Variants in PSMD13 observed in about 807,000 individuals in gnomAD.
PSMD13 encodes 26S proteasome non-ATPase regulatory subunit 13.
PSMD13 carries 8 observed loss-of-function variants against 57.4 expected under a neutral mutation model. The ratio of observed to expected loss-of-function variants is 0.14; its 90% CI spans 0.08 to 0.25. PSMD13 has a LOEUF of 0.25. Ranked by LOEUF, PSMD13 falls within the 10% of genes least tolerant of loss-of-function variation. PSMD13 has a pLI of 1.00. For synonymous variants in PSMD13, 193 were observed against 168.2 expected, an observed-to-expected ratio of 1.15 and a Z score of -1.14; for missense variants, 400 against 461.5, an observed-to-expected ratio of 0.87 and a Z score of 1.22.
At chr11:237,779 A>G (rs922170314) in intron 1 of PSMD13, among the ~76,000 whole-genome samples, 2 of 152,204 alleles carry the variant, frequency 1.3e-5, no homozygotes, top group African/African-American at 4.8e-5. Flanking sequence ...TTTGTTTAGA[A>G]ACAGGATGAA....
In PSMD13 at chr11:251,436, G is replaced by A; in HGVS notation, c.838-110G>A. On this transcript the variant is annotated intron_variant, in intron 10 of 12. Coordinates refer to ENST00000532097, the MANE Select transcript of PSMD13 (RefSeq NM_002817.4). The surrounding 1 kb of genome is among the most constrained non-coding windows in gnomAD (Gnocchi z 4.6). Reference sequence around the variant, plus strand: ...TATTAGGAAACTTTTTAGTATGTGGGGTACTAATAAGATCTCTATTTTCAG... The same window carrying A: ...TATTAGGAAACTTTTTAGTATGTGGAGTACTAATAAGATCTCTATTTTCAG... The A allele has an allele frequency of 1.1e-6, 1 of 910,384 alleles. No individual in the cohort carries two copies. Among genetic ancestry groups the A allele is most frequent in the Non-Finnish European group, 1.7e-6 (1 of 598,648 alleles). 56.4% of individuals were successfully genotyped at this position (910,384 alleles called of 1,614,324 possible).
chr11:251,354 C>T lies in PSMD13; in HGVS notation c.838-192C>T, dbSNP rs994679914. 5 of 581,200 alleles carry T rather than the reference C, an allele frequency of 8.6e-6. No homozygotes were observed. In the African/African-American group the frequency reaches 9.4e-5, roughly 11 times the overall value. 36.0% of individuals were successfully genotyped at this position (581,200 alleles called of 1,614,324 possible). A position where few individuals can be genotyped will look rare whatever the true frequency, so the allele number is the denominator to read the frequency against. On this transcript the variant is annotated intron_variant, in intron 10 of 12. Coordinates refer to ENST00000532097, the MANE Select transcript of PSMD13 (RefSeq NM_002817.4). This position sits in a 1 kb window ranked among gnomAD's most constrained non-coding sequence, Gnocchi z 4.6. ...TCAGAAACTCCTGTAAGGCATTTTG[C>T]TGTTATCCTTCTTATCTAAGCATTA...
At chr11:244,961 G>A (rs6598059) in intron 6 of PSMD13, among the ~76,000 whole-genome samples, 200 bp downstream of exon 6, 7 of 145,884 alleles carry the variant, frequency 4.8e-5, no homozygotes, top group South Asian at 2.2e-4. Context: ...TTTTTTTAAA[G>A]ACGGAGTCTC....
At position 244,738 on chromosome 11, in the gene PSMD13, A is replaced by G. The variant is rs1859594485; in HGVS notation, c.373A>G (p.Ile125Val). 1.1e-5 allele frequency: 18 copies of G among 1,613,438 alleles called. No individual in the cohort carries two copies. Among genetic ancestry groups the G allele is most frequent in the East Asian group, 4.5e-5 (2 of 44,890 alleles). The change falls in exon 6 of 13, where the codon ATC becomes GTC. Residue 125 changes from isoleucine to valine, a missense_variant. Physicochemically the swap from Ile to Val is conservative, Grantham distance 29. Transcript: ENST00000532097. ...AGCAATTGGAGCTCTAAAATTAAAC[A>G]TCGGGGACCTACAGGTTACAAAGGT... ...KTAIGALKLN[I>V]GDLQVTKETI...
At chr11:237,544 A>G (rs1417840755) in intron 1 of PSMD13, among the ~76,000 whole-genome samples, 1 of 152,182 alleles carries the variant, frequency 6.6e-6, no homozygotes, top group Non-Finnish European at 1.5e-5. Flanking sequence ...TTTGGGAAAC[A>G]TGTTGGTGAT....
At chr11:248,599 G>C in intron 7 of PSMD13, 177 bp from the exon 8 acceptor site, 1 of 632,502 alleles carries the variant, frequency 1.6e-6, no homozygotes, top group Non-Finnish European at 2.8e-6. Context: ...TGTATATATG[G>C]TTCTTGGTAT....
intron 2 of PSMD13, among the ~76,000 whole-genome samples, chr11:241,732 T>G: frequency 6.6e-6 from 1 of 152,190 alleles, no homozygotes. Context: ...TCATCCATCC[T>G]CATTACGGTT....
At chr11:241,304 A>G (rs1332228347) in intron 2 of PSMD13, among the ~76,000 whole-genome samples, 2 of 151,600 alleles carry the variant, frequency 1.3e-5, no homozygotes, top group African/African-American at 4.9e-5. Flanking sequence ...ACACCTGGCT[A>G]ATTTTTGTAG....
Position 252,016 on chromosome 11 carries a change from G to A in PSMD13, c.1035+80G>A. On this transcript the variant is annotated intron_variant, in intron 12 of 12. Coordinates refer to ENST00000532097, the MANE Select transcript of PSMD13 (RefSeq NM_002817.4). This position sits in a 1 kb window ranked among gnomAD's most constrained non-coding sequence, Gnocchi z 4.1. ...ATACCGTCTTAGTTTCATTTGGATG[G>A]AAGCCATTTGGGAAGACAGCATTAT... 1.5e-6 allele frequency: 2 copies of A among 1,315,264 alleles called. No homozygotes were observed. Among genetic ancestry groups the A allele is most frequent in the Non-Finnish European group, 2.1e-6 (2 of 932,604 alleles). The allele number at this position is 1,315,264 out of a possible 1,614,324, so 81.5% of individuals were successfully genotyped here.
rs1859276734 is a variant in PSMD13, at chr11:237,152, C to T, written c.95+8C>T. ...GGAGCTCTACACGAAGAAGTGAGCG[C>T]CGAGCAGACGGGCCCTGGGCCCCGG... On this transcript the variant is annotated splice_region_variant and intron_variant, in intron 1 of 12. Coordinates refer to ENST00000532097, the MANE Select transcript of PSMD13 (RefSeq NM_002817.4). 3 of 1,608,802 alleles carry T rather than the reference C, an allele frequency of 1.9e-6. No homozygotes were observed. The highest frequency in any genetic ancestry group is 2.5e-6 in the Non-Finnish European group (3 of 1,177,220).
intron 2 of PSMD13, among the ~76,000 whole-genome samples, chr11:239,736 G>A (rs1207871192): frequency 1.3e-5 from 2 of 152,160 alleles, no homozygotes; most frequent in East Asian, 3.9e-4. Flanking sequence ...GCCTTCCCCA[G>A]ATCCCCTGAC....
intron 2 of PSMD13, 34 bp downstream of exon 2, chr11:239,110 GAATGTGCTCA>G (rs1859462215): frequency 5.1e-6 from 8 of 1,553,612 alleles, no homozygotes; most frequent in Non-Finnish European, 7.1e-6. Flanking sequence ...TAGATTATAT[GAATGTGCTCA>G]AGGACTTTTG....
At chr11:246,817 C>T (rs191092415) in intron 6 of PSMD13, among the ~76,000 whole-genome samples, 1 of 152,260 alleles carries the variant, frequency 6.6e-6, no homozygotes, top group East Asian at 1.9e-4. Flanking sequence ...ATTGGCCATT[C>T]TGTTTGTGTC....
At chr11:242,048 G>T (rs544019613) in intron 2 of PSMD13, among the ~76,000 whole-genome samples, 2 of 151,670 alleles carry the variant, frequency 1.3e-5, no homozygotes, top group East Asian at 3.9e-4. Context: ...CTCTCTAACC[G>T]CCCTTCATTC....
intron 9 of PSMD13, 157 bp from the exon 10 acceptor site, chr11:250,646 T>C: frequency 1.6e-6 from 1 of 614,460 alleles, no homozygotes; most frequent in Non-Finnish European, 2.9e-6. Context: ...GATCACTTGT[T>C]GTTAATGAGC....
intron 2 of PSMD13, chr11:243,102 CT>C: frequency 1.8e-6 from 1 of 565,434 alleles, no homozygotes; most frequent in Non-Finnish European, 3.5e-6. Context: ...ATGGTTACGT[CT>C]TTTTCTTTCC....
In PSMD13 at chr11:244,167, C is replaced by T. The variant is rs1128320; in HGVS notation, c.216C>T (p.Asn72=). ...NFISEFEHRV[N]PLSLVEIILH... ...CTGGTGGCTTTTATTTCAGGGTGAACCCTTTGTCCCTCGTGGAAATCATTC... is the reference window on the plus strand; with the variant it reads ...CTGGTGGCTTTTATTTCAGGGTGAATCCTTTGTCCCTCGTGGAAATCATTC... The change falls in exon 4 of 13, where the codon AAC becomes AAT. Residue 72 remains asparagine, a synonymous_variant. Transcript: ENST00000532097. 1,192,777 of 1,539,428 alleles carry T rather than the reference C, an allele frequency of 0.77. 469,997 individuals are homozygous for T. The highest frequency in any genetic ancestry group is 0.89 in the African/African-American group (65,763 of 73,922).
intron 6 of PSMD13, among the ~76,000 whole-genome samples, chr11:245,310 T>G (rs1859608006): frequency 6.6e-6 from 1 of 152,068 alleles, no homozygotes; most frequent in Non-Finnish European, 1.5e-5. Context: ...CAAAACCACT[T>G]AGGAGTAAGT....
intron 6 of PSMD13, among the ~76,000 whole-genome samples, chr11:246,502 A>G (rs1050958854): frequency 2.0e-5 from 3 of 151,986 alleles, no homozygotes; most frequent in Non-Finnish European, 2.9e-5. Flanking sequence ...CTCTGTCTCA[A>G]AAAAAAAGGG....
Sources: gnomAD v4.1 joint callset for allele counts (sites outside exome capture counted in the v4.1 genomes callset) on GRCh38, gnomAD v4.1.1 for gene constraint, Gnocchi (gnomAD v3.1) non-coding constraint, MANE v1.5 for transcripts, NCBI Gene and HGNC (gene_info 2026-07-23, HGNC 2026-07-21) for gene names.